TSPAN5: variants seen among roughly 807,000 people sequenced by gnomAD.
The protein encoded by TSPAN5 is tetraspanin 5.
In TSPAN5, 10 loss-of-function variants were observed where a neutral mutation model predicts 37.1. The observed-to-expected ratio is 0.27, with a 90% confidence interval of 0.17 to 0.46. The LOEUF (loss-of-function observed/expected upper bound fraction) is 0.46, where lower values mean the gene tolerates loss of function less well. Ranked by LOEUF, TSPAN5 falls within the 20% of genes least tolerant of loss-of-function variation. The pLI, the probability that TSPAN5 is intolerant of heterozygous loss-of-function variation, is 1.00. For missense variants in TSPAN5, 195 were observed against 326.6 expected, an observed-to-expected ratio of 0.60 and a Z score of 3.11; for synonymous variants, 110 against 118.9, an observed-to-expected ratio of 0.93 and a Z score of 0.48.
At chr4:98,513,893 GATA>G (rs1753671878) in intron 1 of TSPAN5, among the ~76,000 whole-genome samples, 1 of 152,008 alleles carries the variant, frequency 6.6e-6, no homozygotes, top group Non-Finnish European at 1.5e-5. Context: ...TAGATAGATA[GATA>G]GATAGATAGA....
chr4:98,555,632 A>C (rs1490561136), intron 1 of TSPAN5, among the ~76,000 whole-genome samples: 3 of 152,220 alleles, frequency 2.0e-5, no homozygotes, highest in Non-Finnish European at 2.9e-5. Flanking sequence ...TATTAAAAAA[A>C]ATTGGCTGTA....
chr4:98,576,342 C>A (rs1424326355), intron 1 of TSPAN5, among the ~76,000 whole-genome samples: 1 of 152,104 alleles, frequency 6.6e-6, no homozygotes, highest in Non-Finnish European at 1.5e-5. Flanking sequence ...ACAAATATTG[C>A]CTTTTTCAAA....
At chr4:98,484,846 C>T (rs2110262199) in intron 3 of TSPAN5, 1 of 284,326 alleles carries the variant, frequency 3.5e-6, no homozygotes, top group African/African-American at 2.2e-5. Context: ...GGTATGGTGG[C>T]TCACGCCTGT....
rs188462365 is a variant in TSPAN5 at position 98,534,265 on chromosome 4, C to T, written c.82-26537G>A. ...AACATCTTTATTTCTGCTTTAATTTCGTTATGTACCCTGTAGTCATTCAGG... is the reference window on the plus strand; with the variant it reads ...AACATCTTTATTTCTGCTTTAATTTTGTTATGTACCCTGTAGTCATTCAGG... On this transcript the variant is annotated intron_variant, in intron 1 of 7. Coordinates refer to ENST00000305798, the MANE Select transcript of TSPAN5 (RefSeq NM_005723.4). Among the ~76,000 whole-genome samples the T allele has an allele frequency of 7.8e-4, 119 of 152,180 alleles. 1 individual carries two copies. The highest frequency in any genetic ancestry group is 1.0e-3 in the South Asian group (5 of 4,812).
intron 1 of TSPAN5, among the ~76,000 whole-genome samples, chr4:98,606,001 G>A (rs1756031468): frequency 6.6e-6 from 1 of 152,184 alleles, no homozygotes; most frequent in African/African-American, 2.4e-5. Context: ...TATGGCATCT[G>A]TATGCACACG....
chr4:98,476,511 C>T (rs757353777), intron 5 of TSPAN5, 51 bp from the exon 6 acceptor site: 2 of 1,579,826 alleles, frequency 1.3e-6, no homozygotes, highest in East Asian at 2.2e-5. Flanking sequence ...AGACAGAAAG[C>T]CCACCTAGAA....
chr4:98,633,212 G>A (rs975006793), intron 1 of TSPAN5, among the ~76,000 whole-genome samples: 1 of 152,264 alleles, frequency 6.6e-6, no homozygotes, highest in Non-Finnish European at 1.5e-5. Context: ...AATGCCTTAG[G>A]GTGGCCTTGT....
intron 1 of TSPAN5, among the ~76,000 whole-genome samples, chr4:98,630,720 C>A (rs1270483000): frequency 1.3e-5 from 2 of 152,182 alleles, no homozygotes; most frequent in Non-Finnish European, 2.9e-5. Context: ...ACAAAAAGTT[C>A]TCTGAGAAAG....
In TSPAN5 at chr4:98,486,479, T is replaced by C. The variant is rs531495343; in HGVS notation, c.279+259A>G. On this transcript the variant is annotated intron_variant, in intron 3 of 7. Coordinates refer to ENST00000305798, the MANE Select transcript of TSPAN5 (RefSeq NM_005723.4). ...TTAGTCCTAAAGATATCTTAGGGAA[T>C]GGAATCCAAGTCTGTGATATATATG... 3.3e-4 allele frequency: 140 copies of C among 425,106 alleles called. No homozygotes were observed. The East Asian group carries it at 3.9e-3, about 12-fold the overall frequency. 26.3% of individuals were successfully genotyped at this position (425,106 alleles called of 1,614,324 possible). A position where few individuals can be genotyped will look rare whatever the true frequency, so the allele number is the denominator to read the frequency against.
At chr4:98,647,437 TTG>T (rs1757091115) in intron 1 of TSPAN5, among the ~76,000 whole-genome samples, 1 of 152,192 alleles carries the variant, frequency 6.6e-6, no homozygotes, top group Admixed American at 6.5e-5. Flanking sequence ...GACTACTTAA[TTG>T]AGTACAATGC....
intron 1 of TSPAN5, among the ~76,000 whole-genome samples, chr4:98,565,491 A>G (rs1754983773): frequency 6.6e-6 from 1 of 152,186 alleles, no homozygotes; most frequent in African/African-American, 2.4e-5. Context: ...ACTGATTGAC[A>G]ATGTTTTCCC....
intron 1 of TSPAN5, among the ~76,000 whole-genome samples, chr4:98,607,320 C>A (rs1756060872): frequency 1.3e-5 from 2 of 152,136 alleles, no homozygotes; most frequent in Admixed American, 1.3e-4. Context: ...AAGTGGAAAG[C>A]AATCACAAGA....
At chr4:98,547,935 G>A (rs1045970856) in intron 1 of TSPAN5, among the ~76,000 whole-genome samples, 6 of 150,524 alleles carry the variant, frequency 4.0e-5, no homozygotes, top group Admixed American at 2.7e-4. Flanking sequence ...AACCCTGGAG[G>A]TAGAGGCTGC....
At chr4:98,525,928 T>C (rs1422448399) in intron 1 of TSPAN5, among the ~76,000 whole-genome samples, 1 of 152,242 alleles carries the variant, frequency 6.6e-6, no homozygotes, top group Non-Finnish European at 1.5e-5. Flanking sequence ...ATTCCATTCT[T>C]GTCTGTATAC....
At chr4:98,511,056 C>T (rs1340014347) in intron 1 of TSPAN5, among the ~76,000 whole-genome samples, 1 of 152,116 alleles carries the variant, frequency 6.6e-6, no homozygotes, top group Non-Finnish European at 1.5e-5. Flanking sequence ...CAGGGAGGCC[C>T]ACTTGCAGGA....
chr4:98,592,477 G>C (rs1298284859), intron 1 of TSPAN5, among the ~76,000 whole-genome samples: 5 of 131,088 alleles, frequency 3.8e-5, no homozygotes, highest in African/African-American at 1.5e-4. Context: ...GGGTACATGT[G>C]CACATTGTGC....
At chr4:98,530,290 A>G in intron 1 of TSPAN5, among the ~76,000 whole-genome samples, 1 of 152,218 alleles carries the variant, frequency 6.6e-6, no homozygotes, top group East Asian at 1.9e-4. Context: ...AGAAAGTGAT[A>G]ATGGTGAACT....
At position 98,558,482 on chromosome 4, in the gene TSPAN5, C is replaced by T. The variant is rs1168262471; in HGVS notation, c.82-50754G>A. Among the ~76,000 whole-genome samples, 5 of 152,298 alleles carry T rather than the reference C, an allele frequency of 3.3e-5. No individual in the cohort carries two copies. In the South Asian group the frequency reaches 8.3e-4, roughly 25 times the overall value. ...GTTGCAGCGAAGGGAGGGTAAACGG[C>T]TTGTGCACCGCTGCTAGCTAATATC... On this transcript the variant is annotated intron_variant, in intron 1 of 7. Coordinates refer to ENST00000305798, the MANE Select transcript of TSPAN5 (RefSeq NM_005723.4).
chr4:98,571,146 T>C (rs935500225), intron 1 of TSPAN5, among the ~76,000 whole-genome samples: 2 of 152,150 alleles, frequency 1.3e-5, no homozygotes, highest in Admixed American at 6.5e-5. Flanking sequence ...AGGCTTATTA[T>C]AAAACAGCAA....
Sources: gnomAD v4.1 joint callset for allele counts (sites outside exome capture counted in the v4.1 genomes callset) on GRCh38, gnomAD v4.1.1 for gene constraint, MANE v1.5 for transcripts, NCBI Gene and HGNC (gene_info 2026-07-23, HGNC 2026-07-21) for gene names.